The following ARRDC2 variants were observed in gnomAD, a reference collection of about 807,000 sequenced individuals.
ARRDC2 encodes the protein arrestin domain-containing protein 2.
Under a neutral mutation model 38.9 loss-of-function variants are expected in ARRDC2, and 39 were observed. That is an observed-to-expected ratio of 1.00 (90% confidence interval 0.78 to 1.31). The LOEUF is 1.31. Among genes scored for constraint, ARRDC2 ranks in the 50% most tolerant of loss-of-function variants. ARRDC2 has a pLI of 0.00. For missense variants in ARRDC2, 553 were observed against 588.4 expected (o/e 0.94, Z 0.62); for synonymous variants, 300 against 261.9 (o/e 1.15, Z -1.41).
At chr19:18,011,324 G>A (rs1486585206) in intron 7 of ARRDC2, among the ~76,000 whole-genome samples, 1 of 151,880 alleles carries the variant, frequency 6.6e-6, no homozygotes, top group Non-Finnish European at 1.5e-5. Flanking sequence ...TAGAAATGTG[G>A]TCTCACTGTG....
chr19:18,003,648 GTTTGTTT>G (rs2033219994), upstream of ARRDC2, among the ~76,000 whole-genome samples: 1 of 143,044 alleles, frequency 7.0e-6, no homozygotes, highest in Non-Finnish European at 1.5e-5. Flanking sequence ...TTGTTTGTTT[GTTTGTTT>G]GGGGGACGGA....
chr19:18,011,683 T>C (rs1174794893), intron 7 of ARRDC2, among the ~76,000 whole-genome samples: 3 of 151,684 alleles, frequency 2.0e-5, no homozygotes, highest in Non-Finnish European at 4.4e-5. Flanking sequence ...CTGGGTAACA[T>C]AGCAAGACCC....
At chr19:18,010,145 G>A in intron 5 of ARRDC2, 51 bp from the exon 6 acceptor site, 1 of 1,606,368 alleles carries the variant, frequency 6.2e-7, no homozygotes, top group Non-Finnish European at 8.5e-7. Context: ...GGAGGGAGGT[G>A]GGGGTTGGGG....
chr19:18,007,009 G>A (rs556269489), upstream of ARRDC2, among the ~76,000 whole-genome samples: 2 of 86,398 alleles, frequency 2.3e-5, no homozygotes, highest in African/African-American at 1.0e-4. Flanking sequence ...TCCCCATCAC[G>A]GGCTGAGGGT....
At chr19:18,006,035 C>T (rs1339702136), upstream of ARRDC2, among the ~76,000 whole-genome samples, 8 of 151,332 alleles carry the variant, frequency 5.3e-5, no homozygotes, top group African/African-American at 9.7e-5. Flanking sequence ...GATGGGCGGC[C>T]GGGCAGAGAC....
At position 18,013,358 on chromosome 19, in the gene ARRDC2, C is replaced by T. The variant is rs151220561; in HGVS notation, c.*392C>T. ...CAACTGTGAGAGTCCAGACAGGAAGCAGAGAAGGCGTCCTTGCGGAAAGGG... is the reference window on the plus strand; with the variant it reads ...CAACTGTGAGAGTCCAGACAGGAAGTAGAGAAGGCGTCCTTGCGGAAAGGG... On this transcript the variant is annotated 3_prime_UTR_variant, in exon 8 of 8. Transcript: ENST00000222250. The T allele has an allele frequency of 8.6e-5, 16 of 186,438 alleles. No individual in the cohort carries two copies. The East Asian group carries it at 2.2e-3, about 26-fold the overall frequency. The allele number at this position is 186,438 out of a possible 1,614,324, so 11.5% of individuals were successfully genotyped here.
In ARRDC2 at chr19:18,014,004, G is replaced by C. The variant is rs1299163499; in HGVS notation, c.*1038G>C. ...ACTGCAGAGTCCCAGCCCTGGCTGGGGCAGGGCCCCGGCCTGGGACTCAGC... is the reference window on the plus strand; with the variant it reads ...ACTGCAGAGTCCCAGCCCTGGCTGGCGCAGGGCCCCGGCCTGGGACTCAGC... On this transcript the variant is annotated 3_prime_UTR_variant, in exon 8 of 8. Transcript: ENST00000222250. The C allele has an allele frequency of 6.6e-6, 1 of 152,084 alleles. No homozygotes were observed. Among genetic ancestry groups the C allele is most frequent in the Non-Finnish European group, 1.5e-5 (1 of 68,000 alleles). The allele number at this position is 152,084 out of a possible 1,614,324, so 9.4% of individuals were successfully genotyped here.
rs755826943 is a variant in ARRDC2 at position 18,009,082 on chromosome 19, C to T, written c.453C>T (p.Val151=). 8.7e-6 allele frequency: 14 copies of T among 1,613,554 alleles called. No individual in the cohort carries two copies. The highest frequency in any genetic ancestry group is 1.3e-5 in the African/African-American group (1 of 75,046). The change falls in exon 3 of 8, where the codon GTC becomes GTT. Residue 151 remains valine (V), a synonymous_variant. Coordinates refer to ENST00000222250, the MANE Select transcript of ARRDC2 (RefSeq NM_015683.2). ...PARRARKVFT[V]IEPVDINTPA... The stretch of plus-strand genomic sequence containing the variant: ...GCCGGGCAAGGAAGGTGTTCACTGT[C>T]ATCGAGCCTGTGGACATCAACACGC...
chr19:18,005,423 T>C (rs1033196919), upstream of ARRDC2, among the ~76,000 whole-genome samples: 14 of 152,274 alleles, frequency 9.2e-5, no homozygotes, highest in East Asian at 9.6e-4. Flanking sequence ...ATCCGATTTC[T>C]CAATCTTTTC....
In ARRDC2 at chr19:18,001,229, A is replaced by G. The variant is rs953026438; in HGVS notation, c.-86A>G. The G allele has an allele frequency of 2.7e-6, 3 of 1,112,552 alleles. No individual in the cohort carries two copies. The African/African-American group carries it at 5.0e-5, about 18-fold the overall frequency. The allele number at this position is 1,112,552 out of a possible 1,614,324, so 68.9% of individuals were successfully genotyped here. A position where few individuals can be genotyped will look rare whatever the true frequency, so the allele number is the denominator to read the frequency against. Reference sequence around the variant, plus strand: ...GGAAGCTTGGGGGACGCGACGGGGGAACGCGGAAACCCCGGGGATCTGCAG... The same window carrying G: ...GGAAGCTTGGGGGACGCGACGGGGGGACGCGGAAACCCCGGGGATCTGCAG... On this transcript the variant is annotated 5_prime_UTR_variant, in exon 1 of 8. Coordinates refer to the ARRDC2 transcript ENST00000379656.
At position 18,013,121 on chromosome 19, in the gene ARRDC2, G is replaced by T; in HGVS notation, c.*155G>T. The T allele has an allele frequency of 1.4e-6, 1 of 732,736 alleles. No individual in the cohort carries two copies. 45.4% of individuals were successfully genotyped at this position (732,736 alleles called of 1,614,324 possible). Reference sequence around the variant, plus strand: ...GGCGGGGGCCTTTCGGATATCACATGGGACAGAGGAAGAGCCCGGCTGGAA... The same window carrying T: ...GGCGGGGGCCTTTCGGATATCACATTGGACAGAGGAAGAGCCCGGCTGGAA... On this transcript the variant is annotated 3_prime_UTR_variant, in exon 8 of 8. Coordinates refer to ENST00000222250, the MANE Select transcript of ARRDC2 (RefSeq NM_015683.2).
intron 7 of ARRDC2, among the ~76,000 whole-genome samples, chr19:18,011,926 GTATATGTGTA>G (rs1206035464): frequency 1.2e-4 from 13 of 107,230 alleles, no homozygotes; most frequent in African/African-American, 4.2e-4. Flanking sequence ...TTTTGTGTGT[GTATATGTGTA>G]TATATATATA....
chr19:18,009,592 G>C lies in ARRDC2; in HGVS notation c.490G>C (p.Ala164Pro). The C allele has an allele frequency of 6.3e-7, 1 of 1,597,906 alleles. No homozygotes were observed. Among genetic ancestry groups the C allele is most frequent in the Non-Finnish European group, 8.6e-7 (1 of 1,168,594 alleles). ...PVDINTPALLAPQAGAREKVA... is the reference protein window; with the variant it reads ...PVDINTPALLPPQAGAREKVA... ...ATGTCACTTTCCTCTACACCGACAG[G>C]CACCTCAAGCGGGGGCTCGGGAAAA... Residue 164 changes from alanine (A) to proline (P), a missense_variant and splice_region_variant, in exon 4 of 8, where the codon GCA becomes CCA. By Grantham distance (27) the Ala-to-Pro change is conservative. Coordinates refer to ENST00000222250, the MANE Select transcript of ARRDC2 (RefSeq NM_015683.2).
intron 1 of ARRDC2, 35 bp from the exon 2 acceptor site, chr19:18,008,676 A>C (rs2033336174): frequency 6.2e-7 from 1 of 1,610,408 alleles, no homozygotes; most frequent in African/African-American, 1.3e-5. Flanking sequence ...CCCCAGCGCA[A>C]CCGCTCAGTC....
In ARRDC2 at chr19:18,012,804, C is replaced by T. The variant is rs934797410; in HGVS notation, c.1171-109C>T. 4.1e-5 allele frequency: 48 copies of T among 1,166,174 alleles called. No individual in the cohort carries two copies. The Admixed American group carries it at 8.9e-4, about 22-fold the overall frequency. The allele number at this position is 1,166,174 out of a possible 1,614,324, so 72.2% of individuals were successfully genotyped here. ...TGCCCTAGACACCACCTCCTGATGGCCTCATCCCTGGTCAAGGGCGGGAGT... is the reference window on the plus strand; with the variant it reads ...TGCCCTAGACACCACCTCCTGATGGTCTCATCCCTGGTCAAGGGCGGGAGT... On this transcript the variant is annotated intron_variant, in intron 7 of 7. Coordinates refer to ENST00000222250, the MANE Select transcript of ARRDC2 (RefSeq NM_015683.2).
intron 7 of ARRDC2, among the ~76,000 whole-genome samples, chr19:18,011,950 ATATTT>A (rs1347551273): frequency 3.2e-4 from 18 of 56,608 alleles, no homozygotes; most frequent in African/African-American, 1.1e-3. Flanking sequence ...ATATATATAT[ATATTT>A]TTTTTTTTTT....
At chr19:18,003,666 GT>G (rs36043317), upstream of ARRDC2, among the ~76,000 whole-genome samples, 25,458 of 150,324 alleles carry the variant, frequency 0.17, 2,294 homozygotes, top group African/African-American at 0.22. Flanking sequence ...GGGGGACGGA[GT>G]CTCCCTCTGC....
upstream of ARRDC2, among the ~76,000 whole-genome samples, chr19:18,008,016 T>C (rs2033314368): frequency 6.6e-6 from 1 of 152,162 alleles, no homozygotes; most frequent in Admixed American, 6.5e-5. Context: ...CAGCCGGCGG[T>C]GAGCAGGGGC....
upstream of ARRDC2, chr19:18,008,119 C>CCCCCCCCCCCCCCCCCCCCCAAAAAAA: frequency 1.9e-6 from 1 of 530,448 alleles, no homozygotes; most frequent in Non-Finnish European, 2.8e-6. Context: ...GACGGTGACC[C>CCCCCCCCCCCCCCCCCCCCCAAAAAAA]CACCCCCCCC....
Sources: gnomAD v4.1 joint callset for allele counts (sites outside exome capture counted in the v4.1 genomes callset) on GRCh38, gnomAD v4.1.1 for gene constraint, MANE v1.5 for transcripts, NCBI Gene and HGNC (gene_info 2026-07-23, HGNC 2026-07-21) for gene names.